The following MCTP1 variants were observed in gnomAD, a reference collection of about 807,000 sequenced individuals.
MCTP1 encodes the protein multiple C2 and transmembrane domain-containing protein 1.
MCTP1 carries 69 observed loss-of-function variants against 120.6 expected under a neutral mutation model. The observed-to-expected ratio is 0.57, with a 90% CI of 0.47 to 0.70. The LOEUF is 0.70. Ranked by LOEUF, MCTP1 falls within the 30% of genes least tolerant of loss-of-function variation. MCTP1 has a pLI of 0.00. For synonymous variants in MCTP1, 529 were observed against 493.1 expected (o/e 1.07, Z -0.96); for missense variants, 1,203 against 1,248.8 (o/e 0.96, Z 0.55).
chr5:95,123,796 C>A (rs985167252), intron 1 of MCTP1, among the ~76,000 whole-genome samples: 4 of 152,030 alleles, frequency 2.6e-5, no homozygotes, highest in Admixed American at 1.3e-4. Context: ...ACTACAGGCG[C>A]CCGCCACTGC....
At chr5:94,815,603 C>G (rs1236195381) in intron 17 of MCTP1, among the ~76,000 whole-genome samples, 1 of 152,194 alleles carries the variant, frequency 6.6e-6, no homozygotes, top group Non-Finnish European at 1.5e-5. Flanking sequence ...TGACCACACT[C>G]CTGTCCAGAA....
intron 16 of MCTP1, 96 bp downstream of exon 16, chr5:94,870,321 C>A: frequency 2.7e-6 from 2 of 728,560 alleles, no homozygotes; most frequent in South Asian, 4.2e-5. Flanking sequence ...CCAGTCTTCC[C>A]CCCTCCATAC....
chr5:95,239,075 T>C (rs1240375449), intron 1 of MCTP1, among the ~76,000 whole-genome samples: 1 of 152,162 alleles, frequency 6.6e-6, no homozygotes, highest in Non-Finnish European at 1.5e-5. Flanking sequence ...GAGAAAAAAC[T>C]TGGTCTCACA....
intron 17 of MCTP1, among the ~76,000 whole-genome samples, chr5:94,866,925 T>C (rs1034744145): frequency 1.3e-5 from 2 of 151,890 alleles, no homozygotes; most frequent in African/African-American, 4.8e-5. Flanking sequence ...GCATTTCTGG[T>C]CTTTTCAAAT....
chr5:94,878,791 T>C (rs537993557), intron 12 of MCTP1, among the ~76,000 whole-genome samples: 2 of 151,968 alleles, frequency 1.3e-5, no homozygotes, highest in African/African-American at 4.8e-5. Context: ...ATACCGAACA[T>C]GGTTACTAGA....
intron 17 of MCTP1, among the ~76,000 whole-genome samples, chr5:94,815,014 C>A (rs899394218): frequency 2.0e-5 from 3 of 152,194 alleles, no homozygotes; most frequent in Non-Finnish European, 4.4e-5. Flanking sequence ...CTTAGCCCCA[C>A]ATTCGTCTAC....
chr5:95,131,043 G>A (rs186873595), intron 1 of MCTP1, among the ~76,000 whole-genome samples: 8 of 152,282 alleles, frequency 5.3e-5, no homozygotes, highest in Admixed American at 5.2e-4. Context: ...GTGGTTCACA[G>A]TATTCAATCC....
intron 6 of MCTP1, among the ~76,000 whole-genome samples, chr5:94,929,116 GA>G (rs1813896251): frequency 6.6e-6 from 1 of 152,182 alleles, no homozygotes; most frequent in Non-Finnish European, 1.5e-5. Context: ...GCAGAGCGGG[GA>G]GACAGGCGTA....
At chr5:95,009,056 A>AAGAGAGAGAG (rs201724037) in intron 2 of MCTP1, among the ~76,000 whole-genome samples, 40 of 129,548 alleles carry the variant, frequency 3.1e-4, no homozygotes, top group African/African-American at 1.0e-3. Context: ...GAGAGGGAGA[A>AAGAGAGAGAG]AGAGAGAGAG....
At chr5:95,094,587 T>G (rs1756084157) in intron 1 of MCTP1, among the ~76,000 whole-genome samples, 1 of 152,178 alleles carries the variant, frequency 6.6e-6, no homozygotes, top group Admixed American at 6.5e-5. Flanking sequence ...ACTTACAAAT[T>G]GAGAGATGTC....
chr5:95,156,349 T>C (rs1179300899), intron 1 of MCTP1, among the ~76,000 whole-genome samples: 3 of 152,216 alleles, frequency 2.0e-5, no homozygotes, highest in Admixed American at 6.5e-5. Context: ...ACACATCTCT[T>C]AGGCACATGA....
rs180702638 is a variant in MCTP1, at chr5:95,173,114, G to A, written c.720+110742C>T. Among the ~76,000 whole-genome samples the A allele has an allele frequency of 2.2e-3, 341 of 152,122 alleles. 1 individual carries two copies. The highest frequency in any genetic ancestry group is 7.8e-3 in the African/African-American group (324 of 41,500). ...AAGATTATTTTCTTGTATGGAGATC[G>A]AAGACTCACAATGTTACTTTACCAA... On this transcript the variant is annotated intron_variant, in intron 1 of 22. Transcript: ENST00000515393.
chr5:94,879,846 G>A (rs975812294), intron 12 of MCTP1, among the ~76,000 whole-genome samples: 14 of 152,054 alleles, frequency 9.2e-5, no homozygotes, highest in Non-Finnish European at 1.8e-4. Context: ...CAAAGCTAAT[G>A]GAAATAGGTA....
chr5:94,873,260 A>C lies in MCTP1; in HGVS notation c.1934-19T>G. On this transcript the variant is annotated intron_variant, in intron 12 of 22. Coordinates refer to ENST00000515393, the MANE Select transcript of MCTP1 (RefSeq NM_024717.7). ...CTTTTTCCTACAAGAGATTTTTGGT[A>C]AATATTTTTAGTGTACATAGCACCC... 6.9e-7 allele frequency: 1 copy of C among 1,453,140 alleles called. No individual in the cohort carries two copies. Among genetic ancestry groups the C allele is most frequent in the Non-Finnish European group, 9.7e-7 (1 of 1,034,644 alleles). The allele number at this position is 1,453,140 out of a possible 1,614,324, so 90.0% of individuals were successfully genotyped here. A position where few individuals can be genotyped will look rare whatever the true frequency, so the allele number is the denominator to read the frequency against.
At chr5:94,836,178 T>A (rs1789706128) in intron 17 of MCTP1, among the ~76,000 whole-genome samples, 3 of 35,186 alleles carry the variant, frequency 8.5e-5, no homozygotes, top group South Asian at 2.8e-3. Flanking sequence ...AGACTCCGTC[T>A]CAAAAAAAAA....
rs762151498 is a variant in MCTP1 at position 94,888,979 on chromosome 5, G to A, written c.1840-7C>T. 2.7e-5 allele frequency: 43 copies of A among 1,591,066 alleles called. No individual in the cohort carries two copies. The highest frequency in any genetic ancestry group is 3.5e-5 in the Non-Finnish European group (41 of 1,159,060). Reference sequence around the variant, plus strand: ...GAAATATCCTCAATGGGCTCTGAAAGACCCCAACATCAGTATTAGAAAAGG... The same window carrying A: ...GAAATATCCTCAATGGGCTCTGAAAAACCCCAACATCAGTATTAGAAAAGG... On this transcript the variant is annotated splice_polypyrimidine_tract_variant and splice_region_variant and intron_variant, in intron 11 of 22. Transcript: ENST00000515393.
At chr5:95,018,348 A>C (rs1263186222) in intron 1 of MCTP1, among the ~76,000 whole-genome samples, 1 of 152,108 alleles carries the variant, frequency 6.6e-6, no homozygotes, top group Admixed American at 6.6e-5. Flanking sequence ...TCAAAAGGAA[A>C]TGTCCTTTTG....
At position 94,894,755 on chromosome 5, in the gene MCTP1, A is replaced by T. The variant is rs1803501253; in HGVS notation, c.1733T>A (p.Leu578Gln). 6.2e-7 allele frequency: 1 copy of T among 1,613,726 alleles called. No homozygotes were observed. The highest frequency in any genetic ancestry group is 8.5e-7 in the Non-Finnish European group (1 of 1,179,754). ...TGCTGTCAGAGTGACCAGCAGCACC[A>T]GGTGTCCCTCACCCTCTTCCAGCTG... ...ELQLEEGEGH[L>Q]VLLVTLTASA... The change falls in exon 11 of 23, where the codon CTG becomes CAG. Residue 578 changes from leucine to glutamine, a missense_variant. Transcript: ENST00000515393.
In MCTP1 at chr5:94,873,070, TA is replaced by T. The variant is rs1321958170; in HGVS notation, c.2036+68del. The T allele has an allele frequency of 6.6e-6, 6 of 912,920 alleles. No homozygotes were observed. In the East Asian group the frequency reaches 7.5e-5, roughly 11 times the overall value. 56.6% of individuals were successfully genotyped at this position (912,920 alleles called of 1,614,324 possible). A position where few individuals can be genotyped will look rare whatever the true frequency, so the allele number is the denominator to read the frequency against. ...TAAGAATAAACACACACATTTTTTT[TA>T]AAACCCTCAAAAATAAATCAAATTT... On this transcript the variant is annotated intron_variant, in intron 13 of 22. Transcript: ENST00000515393.
Sources: allele counts gnomAD v4.1 joint callset (sites outside exome capture counted in the v4.1 genomes callset), GRCh38; gene constraint gnomAD v4.1.1; transcripts MANE v1.5; gene names NCBI Gene and HGNC (gene_info 2026-07-23, HGNC 2026-07-21).